CLGN: variants seen among roughly 807,000 people sequenced by gnomAD.
CLGN encodes the protein calmegin, also known as testis tissue sperm-binding protein Li 79P.
A neutral mutation model predicts 79.1 loss-of-function variants in CLGN; 62 were observed. The ratio of observed to expected loss-of-function variants is 0.78; its 90% CI spans 0.64 to 0.97. The LOEUF (loss-of-function observed/expected upper bound fraction) is 0.97. Among genes scored for constraint, CLGN ranks in the 50% least tolerant of loss-of-function variants. CLGN has a pLI of 0.00. For synonymous variants in CLGN, 225 were observed against 224.7 expected (o/e 1.00, Z -0.01); for missense variants, 647 against 715.5 (o/e 0.90, Z 1.09).
intron 10 of CLGN, 44 bp downstream of exon 10, chr4:140,395,772 CACA>C (rs1443946746): frequency 1.5e-6 from 2 of 1,334,018 alleles, no homozygotes; most frequent in Non-Finnish European, 1.9e-6. Context: ...TAGAAAAGAT[CACA>C]ACATTTTTAA....
Position 140,398,853 on chromosome 4 carries a change from G to A in CLGN, c.882C>T (p.Asp294=). 1 of 1,613,292 alleles carries A rather than the reference G, an allele frequency of 6.2e-7. No individual in the cohort carries two copies. Among genetic ancestry groups the A allele is most frequent in the East Asian group, 2.2e-5 (1 of 44,820 alleles). Residue 294 remains aspartate, a splice_region_variant and synonymous_variant, in exon 8 of 15, where the codon GAC becomes GAT. Transcript: ENST00000325617. ...IPDPSAVKPE[D]WDESEPAQIE... ...TTGCTACCGAATTATTTGCTTACCA[G>A]TCTTCTGGTTTGACGGCAGAAGGAT...
chr4:140,396,189 C>A lies in CLGN; in HGVS notation c.901G>T (p.Ala301Ser). Residue 301 changes from alanine to serine, a missense_variant, in exon 9 of 15, where the codon GCC (alanine) becomes TCC (serine). Coordinates refer to ENST00000325617, the MANE Select transcript of CLGN (RefSeq NM_004362.3). ...ACAACACTTGAATCTTCTATTTGGG[C>A]AGGTTCACTTTCATCCCTGTAAATA... The part of the protein sequence containing the change: ...KPEDWDESEP[A>S]QIEDSSVVKP... 3.1e-6 allele frequency: 5 copies of A among 1,613,938 alleles called. No homozygotes were observed. Among genetic ancestry groups the A allele is most frequent in the Non-Finnish European group, 4.2e-6 (5 of 1,179,882 alleles).
intron 6 of CLGN, 121 bp downstream of exon 6, chr4:140,401,864 A>G (rs1408069641): frequency 5.0e-6 from 3 of 596,904 alleles, no homozygotes; most frequent in Admixed American, 3.8e-5. Context: ...TTCACATTGA[A>G]AAAAGATATC....
In CLGN at chr4:140,392,235, A is replaced by G. The variant is rs1728786383; in HGVS notation, c.1635T>C (p.Gly545=). 1.2e-6 allele frequency: 2 copies of G among 1,612,200 alleles called. No individual in the cohort carries two copies. The highest frequency in any genetic ancestry group is 3.3e-5 in the Admixed American group (2 of 59,716). ...TCATCTTACCTTTTTCAAGCATTTC[A>G]CCATCATTTTGCTTTTTTTCCTCTT... ...DLEEEKKQND[G]EMLEKEEESE... The change falls in exon 13 of 15, where the codon GGT becomes GGC. Residue 545 remains glycine, a synonymous_variant. Transcript: ENST00000325617.
At chr4:140,400,794 A>G (rs192784556) in intron 6 of CLGN, among the ~76,000 whole-genome samples, 9 of 152,264 alleles carry the variant, frequency 5.9e-5, no homozygotes, top group Non-Finnish European at 2.9e-5. Flanking sequence ...TACTCTAGCA[A>G]CACCATAATA....
chr4:140,425,645 T>A, intron 1 of CLGN, among the ~76,000 whole-genome samples: 1 of 140,376 alleles, frequency 7.1e-6, no homozygotes, highest in African/African-American at 2.7e-5. Flanking sequence ...TTTTTTTTTT[T>A]TGAGATGGAG....
intron 1 of CLGN, among the ~76,000 whole-genome samples, chr4:140,425,544 T>C (rs535269616): frequency 2.0e-5 from 3 of 151,682 alleles, no homozygotes; most frequent in Admixed American, 1.3e-4. Context: ...CTGGCAACAC[T>C]GCATTGAACA....
At chr4:140,414,669 G>C (rs1729288414) in intron 1 of CLGN, among the ~76,000 whole-genome samples, 4 of 145,220 alleles carry the variant, frequency 2.8e-5, no homozygotes, top group Admixed American at 6.9e-5. Context: ...AAAAAGAAAT[G>C]AGCAAAGCCT....
At chr4:140,413,776 G>C (rs969328647) in intron 1 of CLGN, among the ~76,000 whole-genome samples, 3 of 152,244 alleles carry the variant, frequency 2.0e-5, no homozygotes, top group Non-Finnish European at 4.4e-5. Context: ...AGCGAGGCTG[G>C]GGGAGGGGCG....
chr4:140,402,192 T>C lies in CLGN; in HGVS notation c.420-126A>G, dbSNP rs961016642. On this transcript the variant is annotated intron_variant, in intron 5 of 14. Transcript: ENST00000325617. The stretch of plus-strand genomic sequence containing the variant: ...TTTTTACATTATCAGAAAACTCATA[T>C]AAAGCATATCTACAACCTATAGGAA... 6 of 513,430 alleles carry C rather than the reference T, an allele frequency of 1.2e-5. No homozygotes were observed. In the Admixed American group the frequency reaches 1.2e-4, roughly 10 times the overall value. 31.8% of individuals were successfully genotyped at this position (513,430 alleles called of 1,614,324 possible).
chr4:140,400,153 T>C lies in CLGN; in HGVS notation c.694+204A>G, dbSNP rs565922057. On this transcript the variant is annotated intron_variant, in intron 7 of 14. Transcript: ENST00000325617. ...TCTAAGCTGGAAGTAATATTGCTTG[T>C]GAACTCTTAGCTGTGCCTCATCTCT... Among the ~76,000 whole-genome samples the C allele has an allele frequency of 1.2e-4, 19 of 152,320 alleles. 1 individual carries two copies. In the South Asian group the frequency reaches 3.7e-3, roughly 30 times the overall value.
intron 1 of CLGN, among the ~76,000 whole-genome samples, chr4:140,421,021 T>C (rs924610854): frequency 6.6e-6 from 1 of 152,166 alleles, no homozygotes; most frequent in Non-Finnish European, 1.5e-5. Context: ...TTTTGACTAC[T>C]CTAGGTACTG....
chr4:140,393,657 A>C (rs1170180765), intron 11 of CLGN, among the ~76,000 whole-genome samples, 169 bp downstream of exon 11: 1 of 152,176 alleles, frequency 6.6e-6, no homozygotes, highest in Non-Finnish European at 1.5e-5. Context: ...GAAGTAACAT[A>C]AAAAGCAAAA....
At chr4:140,423,382 A>G (rs1316545470) in intron 1 of CLGN, among the ~76,000 whole-genome samples, 1 of 152,226 alleles carries the variant, frequency 6.6e-6, no homozygotes, top group African/African-American at 2.4e-5. Flanking sequence ...TTAGGAATAA[A>G]TCCAACATGG....
chr4:140,392,455 A>G (rs1728793089), intron 12 of CLGN, 77 bp from the exon 13 acceptor site: 2 of 1,492,948 alleles, frequency 1.3e-6, no homozygotes, highest in Admixed American at 2.2e-5. Flanking sequence ...AATTGATAAC[A>G]TACATAATGA....
intron 8 of CLGN, among the ~76,000 whole-genome samples, chr4:140,396,862 C>CATATATATATACATATATATAT (rs1728887420): frequency 1.1e-5 from 1 of 94,232 alleles, no homozygotes; most frequent in African/African-American, 3.6e-5. Context: ...CTGGCTGGAG[C>CATATATATATACATATATATAT]ATATATATAT....
chr4:140,407,080 TG>T (rs1253839508), intron 4 of CLGN, among the ~76,000 whole-genome samples: 1 of 152,168 alleles, frequency 6.6e-6, no homozygotes, highest in African/African-American at 2.4e-5. Context: ...GGGTAATTTT[TG>T]GTCTATAATT....
intron 8 of CLGN, among the ~76,000 whole-genome samples, chr4:140,398,043 T>C (rs2126618212): frequency 6.6e-6 from 1 of 152,298 alleles, no homozygotes; most frequent in East Asian, 1.9e-4. Context: ...ATTTTCCAAA[T>C]GAGTTACAAA....
chr4:140,396,258 T>G (rs969664826), intron 8 of CLGN, 53 bp from the exon 9 acceptor site: 3 of 1,336,728 alleles, frequency 2.2e-6, no homozygotes, highest in Admixed American at 1.7e-5. Flanking sequence ...TAAAAATGCA[T>G]GTTACAACAC....
Sources: gnomAD v4.1 joint callset for allele counts (sites outside exome capture counted in the v4.1 genomes callset) on GRCh38, gnomAD v4.1.1 for gene constraint, MANE v1.5 for transcripts, NCBI Gene and HGNC (gene_info 2026-07-23, HGNC 2026-07-21) for gene names.